MTHFD2L: variants seen among roughly 807,000 people sequenced by gnomAD.
MTHFD2L encodes the protein bifunctional methylenetetrahydrofolate dehydrogenase/cyclohydrolase 2, mitochondrial.
Under a neutral mutation model 34.9 loss-of-function variants are expected in MTHFD2L, and 29 were observed. The observed-to-expected ratio is 0.83, with a 90% CI of 0.62 to 1.13. The LOEUF (loss-of-function observed/expected upper bound fraction) is 1.13. Among genes scored for constraint, MTHFD2L ranks in the 50% most tolerant of loss-of-function variants. The probability of loss-of-function intolerance (pLI) is 0.00; values close to 1 mark genes in which losing one functional copy is unlikely to be tolerated. For synonymous variants in MTHFD2L, 167 were observed against 155.7 expected, an observed-to-expected ratio of 1.07 and a Z score of -0.54; for missense variants, 481 against 446.5, an observed-to-expected ratio of 1.08 and a Z score of -0.70.
intron 6 of MTHFD2L, among the ~76,000 whole-genome samples, chr4:74,239,300 A>C (rs1741337861): frequency 6.6e-6 from 1 of 152,166 alleles, no homozygotes; most frequent in Non-Finnish European, 1.5e-5. Context: ...ACACTTGGAC[A>C]CAGGGTGGGG....
chr4:74,281,817 A>G (rs1454353249), intron 7 of MTHFD2L, among the ~76,000 whole-genome samples: 3 of 151,900 alleles, frequency 2.0e-5, no homozygotes, highest in Non-Finnish European at 4.4e-5. Context: ...AATTTCTTAT[A>G]GTACAGTTTT....
chr4:74,237,501 T>G (rs751790623), intron 6 of MTHFD2L, among the ~76,000 whole-genome samples: 1 of 152,044 alleles, frequency 6.6e-6, no homozygotes, highest in African/African-American at 2.4e-5. Flanking sequence ...ATACAAAAAT[T>G]AGCTGGGCGT....
intron 3 of MTHFD2L, among the ~76,000 whole-genome samples, chr4:74,193,814 A>C (rs1375931170): frequency 6.6e-6 from 1 of 152,164 alleles, no homozygotes; most frequent in Non-Finnish European, 1.5e-5. Context: ...ATTGTTTTAT[A>C]AATTTTTAAG....
intron 3 of MTHFD2L, 42 bp from the exon 4 acceptor site, chr4:74,199,752 A>C: frequency 6.5e-7 from 1 of 1,536,554 alleles, no homozygotes. Flanking sequence ...CTACCAAATA[A>C]ATAACAATTT....
intron 5 of MTHFD2L, among the ~76,000 whole-genome samples, chr4:74,222,964 A>T (rs1456365539): frequency 6.6e-6 from 1 of 152,080 alleles, no homozygotes; most frequent in African/African-American, 2.4e-5. Flanking sequence ...GAGGAAAAAG[A>T]ATGTTTATAC....
chr4:74,206,154 G>A (rs1422953144), intron 5 of MTHFD2L, among the ~76,000 whole-genome samples: 3 of 151,554 alleles, frequency 2.0e-5, no homozygotes, highest in Admixed American at 6.6e-5. Context: ...AAAAAGGGAA[G>A]CAGCCAGATT....
intron 1 of MTHFD2L, among the ~76,000 whole-genome samples, chr4:74,167,709 T>G (rs1400396201): frequency 6.6e-6 from 1 of 152,154 alleles, no homozygotes. Context: ...TCTGAAGATC[T>G]GGAGAGAACA....
chr4:74,165,287 A>G (rs894928832), intron 1 of MTHFD2L, among the ~76,000 whole-genome samples: 2 of 152,340 alleles, frequency 1.3e-5, no homozygotes, highest in Admixed American at 6.5e-5. Flanking sequence ...ACATGCTTGA[A>G]TCAGTTTCTT....
intron 7 of MTHFD2L, among the ~76,000 whole-genome samples, chr4:74,294,713 C>T (rs1335062502): frequency 6.4e-4 from 97 of 152,080 alleles, no homozygotes; most frequent in Non-Finnish European, 7.4e-5. Context: ...GAAAGAACCT[C>T]TGCACTGTAC....
intron 1 of MTHFD2L, among the ~76,000 whole-genome samples, chr4:74,136,528 T>G (rs546309676): frequency 6.6e-6 from 1 of 152,116 alleles, no homozygotes; most frequent in Non-Finnish European, 1.5e-5. Context: ...GAAGACTTAA[T>G]ATTGTTAATA....
Position 74,291,883 on chromosome 4 carries a change from T to C in MTHFD2L, c.932-9814T>C, listed in dbSNP as rs570898214. ...TTTCAGTGTCAATCATTTAATTTGA[T>C]GATATGGCTAATCAGTCTGACTCAA... On this transcript the variant is annotated intron_variant, in intron 7 of 7. Coordinates refer to ENST00000325278, the MANE Select transcript of MTHFD2L (RefSeq NM_001144978.3). 3.9e-5 allele frequency among the ~76,000 whole-genome samples: 6 copies of C among 152,356 alleles called. No homozygotes were observed. The South Asian group carries it at 1.2e-3, about 32-fold the overall frequency.
At chr4:74,247,033 G>T (rs916385869) in intron 6 of MTHFD2L, among the ~76,000 whole-genome samples, 1 of 149,136 alleles carries the variant, frequency 6.7e-6, no homozygotes, top group African/African-American at 2.5e-5. Context: ...TTGGTAGCTT[G>T]ATGGGGATGG....
intron 6 of MTHFD2L, among the ~76,000 whole-genome samples, chr4:74,230,730 G>A (rs915396272): frequency 6.6e-6 from 1 of 152,128 alleles, no homozygotes; most frequent in Non-Finnish European, 1.5e-5. Context: ...GGCTAAATCA[G>A]CTTTGCACAA....
intron 1 of MTHFD2L, among the ~76,000 whole-genome samples, chr4:74,144,418 G>A (rs1210793874): frequency 2.0e-5 from 3 of 151,998 alleles, no homozygotes; most frequent in Non-Finnish European, 4.4e-5. Flanking sequence ...GTGCCACTGC[G>A]CTCCAGCCTG....
At chr4:74,160,059 A>G (rs550737412) in intron 1 of MTHFD2L, 19 of 1,289,028 alleles carry the variant, frequency 1.5e-5, no homozygotes, top group Non-Finnish European at 1.8e-5. Context: ...TTCTAGGACC[A>G]GCAGAGAGAA....
At chr4:74,224,712 A>G (rs1478972753) in intron 5 of MTHFD2L, among the ~76,000 whole-genome samples, 2 of 151,976 alleles carry the variant, frequency 1.3e-5, no homozygotes, top group Non-Finnish European at 2.9e-5. Context: ...AAATTTTGCT[A>G]TTTTCCAAAT....
intron 5 of MTHFD2L, among the ~76,000 whole-genome samples, chr4:74,208,719 A>G (rs1735783656): frequency 6.6e-6 from 1 of 152,214 alleles, no homozygotes; most frequent in South Asian, 2.1e-4. Flanking sequence ...GGAACAGGAA[A>G]GGCCAGGCTC....
chr4:74,133,100 G>C (rs1051784116), intron 1 of MTHFD2L, among the ~76,000 whole-genome samples: 2 of 152,110 alleles, frequency 1.3e-5, no homozygotes. Context: ...AATTCTCTTA[G>C]CTTTTGTCTG....
intron 7 of MTHFD2L, among the ~76,000 whole-genome samples, chr4:74,287,971 T>G (rs1748405368): frequency 1.3e-5 from 2 of 152,202 alleles, no homozygotes; most frequent in South Asian, 2.1e-4. Context: ...AGGGGATTGA[T>G]AAGGATGTTT....
Sources: gnomAD v4.1 joint callset for allele counts (sites outside exome capture counted in the v4.1 genomes callset) on GRCh38, gnomAD v4.1.1 for gene constraint, MANE v1.5 for transcripts, NCBI Gene and HGNC (gene_info 2026-07-23, HGNC 2026-07-21) for gene names.